Variants in MYRIP observed in about 807,000 individuals in gnomAD.
MYRIP encodes the protein myosin VIIA and Rab interacting protein.
In MYRIP, 49 loss-of-function variants were observed where a neutral mutation model predicts 98.0. That is an observed-to-expected ratio of 0.50 (90% CI 0.40 to 0.63). MYRIP has a LOEUF of 0.63. MYRIP is among the 30% of genes least tolerant of loss of function. MYRIP has a pLI of 0.00. For missense variants in MYRIP, 1,004 were observed against 1,058.2 expected (o/e 0.95, Z 0.71); for synonymous variants, 404 against 409.5 (o/e 0.99, Z 0.16).
chr3:39,953,118 C>A (rs149350947), intron 2 of MYRIP, among the ~76,000 whole-genome samples: 177 of 152,282 alleles, frequency 1.2e-3, no homozygotes, highest in Non-Finnish European at 2.0e-3. Flanking sequence ...AATCTGGTTT[C>A]TTTCTGCAGC....
chr3:40,136,047 T>C (rs113631239), intron 3 of MYRIP, among the ~76,000 whole-genome samples: 33,675 of 152,156 alleles, frequency 0.22, 4,454 homozygotes, highest in South Asian at 0.36. Context: ...TAACCTTAAA[T>C]GTAAATGGGC....
chr3:39,992,542 C>A (rs1419732048), intron 2 of MYRIP, among the ~76,000 whole-genome samples: 2 of 152,206 alleles, frequency 1.3e-5, no homozygotes, highest in African/African-American at 4.8e-5. Flanking sequence ...AAAGTGCTTG[C>A]CATCTGAATG....
intron 3 of MYRIP, among the ~76,000 whole-genome samples, chr3:40,100,847 G>A (rs1280117199): frequency 6.6e-6 from 1 of 152,110 alleles, no homozygotes; most frequent in African/African-American, 2.4e-5. Flanking sequence ...CACCCAGGAG[G>A]GACATTAAGA....
chr3:39,861,778 A>G (rs1265230800), intron 1 of MYRIP, among the ~76,000 whole-genome samples: 1 of 152,226 alleles, frequency 6.6e-6, no homozygotes, highest in Non-Finnish European at 1.5e-5. Context: ...GAAATAATTC[A>G]GAGAAAAGTA....
intron 2 of MYRIP, among the ~76,000 whole-genome samples, chr3:39,919,500 A>T (rs971463948): frequency 2.0e-5 from 3 of 150,968 alleles, no homozygotes; most frequent in Non-Finnish European, 3.0e-5. Flanking sequence ...TCCATCTGCC[A>T]CTCCCACTTC....
At chr3:39,995,967 C>A (rs550291598) in intron 2 of MYRIP, among the ~76,000 whole-genome samples, 5 of 152,276 alleles carry the variant, frequency 3.3e-5, no homozygotes, top group African/African-American at 1.2e-4. Context: ...AAATCCTTTA[C>A]AGACAAGCAA....
At chr3:40,037,681 G>T (rs898693096) in intron 2 of MYRIP, among the ~76,000 whole-genome samples, 1 of 151,794 alleles carries the variant, frequency 6.6e-6, no homozygotes, top group African/African-American at 2.4e-5. Flanking sequence ...TCATCCTCCT[G>T]CCTACCCTGA....
intron 3 of MYRIP, among the ~76,000 whole-genome samples, chr3:40,118,666 G>A (rs1027448121): frequency 6.7e-5 from 10 of 149,222 alleles, no homozygotes; most frequent in Admixed American, 2.0e-4. Context: ...GGTTTGTTAC[G>A]TATGCATACA....
chr3:39,838,892 T>C (rs921999194), intron 1 of MYRIP, among the ~76,000 whole-genome samples: 10 of 152,328 alleles, frequency 6.6e-5, no homozygotes, highest in Middle Eastern at 3.4e-3. Flanking sequence ...TCAGAACTTG[T>C]TATTGGTCTA....
chr3:40,019,772 G>A (rs1946950722), intron 2 of MYRIP, among the ~76,000 whole-genome samples: 1 of 142,904 alleles, frequency 7.0e-6, no homozygotes, highest in South Asian at 2.5e-4. Flanking sequence ...TTTTAAGTGT[G>A]AATTACCATT....
At chr3:40,055,697 C>T (rs539298020) in intron 3 of MYRIP, among the ~76,000 whole-genome samples, 1 of 152,226 alleles carries the variant, frequency 6.6e-6, no homozygotes, top group African/African-American at 2.4e-5. Context: ...CTGTCCATAG[C>T]ACTTTACTGT....
intron 2 of MYRIP, among the ~76,000 whole-genome samples, chr3:40,034,645 C>G (rs980944309): frequency 2.0e-5 from 3 of 149,570 alleles, no homozygotes; most frequent in Non-Finnish European, 4.4e-5. Context: ...CTAGTTCAAC[C>G]ATTGTGGAAG....
intron 2 of MYRIP, among the ~76,000 whole-genome samples, chr3:39,934,049 C>T (rs115487824): frequency 2.6e-5 from 4 of 152,184 alleles, no homozygotes; most frequent in Non-Finnish European, 5.9e-5. Context: ...TGGCATTCAG[C>T]AATGTGTGCT....
chr3:39,994,874 G>A (rs1393857978), intron 2 of MYRIP, among the ~76,000 whole-genome samples: 1 of 152,180 alleles, frequency 6.6e-6, no homozygotes, highest in Non-Finnish European at 1.5e-5. Flanking sequence ...AACATTTGCT[G>A]TTCACCAATA....
chr3:40,215,574 G>A (rs1575643333), intron 11 of MYRIP, among the ~76,000 whole-genome samples: 1 of 152,084 alleles, frequency 6.6e-6, no homozygotes, highest in East Asian at 1.9e-4. Flanking sequence ...AGAGACTCTG[G>A]TTTCTCAAGT....
chr3:40,172,610 C>G (rs932717181), intron 8 of MYRIP, among the ~76,000 whole-genome samples: 1 of 152,170 alleles, frequency 6.6e-6, no homozygotes, highest in Non-Finnish European at 1.5e-5. Context: ...AAGGTATCCC[C>G]TGTGAGTTAT....
At chr3:40,091,765 G>A (rs1161846015) in intron 3 of MYRIP, among the ~76,000 whole-genome samples, 1 of 152,082 alleles carries the variant, frequency 6.6e-6, no homozygotes, top group Non-Finnish European at 1.5e-5. Context: ...CTACAAATTA[G>A]ACTGCAGGAT....
At chr3:40,236,238 T>C (rs1952820916) in intron 12 of MYRIP, among the ~76,000 whole-genome samples, 1 of 152,206 alleles carries the variant, frequency 6.6e-6, no homozygotes, top group Admixed American at 6.5e-5. Flanking sequence ...AGGTGTGTAG[T>C]AGGTTATACC....
chr3:39,845,431 A>C (rs1477884161), intron 1 of MYRIP, among the ~76,000 whole-genome samples: 1 of 152,106 alleles, frequency 6.6e-6, no homozygotes, highest in Non-Finnish European at 1.5e-5. Flanking sequence ...TAAATTATCT[A>C]TATTTCTGTC....
Sources: gnomAD v4.1 joint callset for allele counts (sites outside exome capture counted in the v4.1 genomes callset) on GRCh38, gnomAD v4.1.1 for gene constraint, MANE v1.5 for transcripts, NCBI Gene and HGNC (gene_info 2026-07-23, HGNC 2026-07-21) for gene names.